The following GPATCH2 variants were observed in gnomAD, a reference collection of about 807,000 sequenced individuals.
GPATCH2 encodes the protein G-patch domain containing 2, also known as G patch domain-containing protein 2.
A neutral mutation model predicts 58.0 loss-of-function variants in GPATCH2; 51 were observed. That is an observed-to-expected ratio of 0.88 (90% CI 0.70 to 1.11). The LOEUF (loss-of-function observed/expected upper bound fraction) is 1.11. Among genes scored for constraint, GPATCH2 ranks in the 50% most tolerant of loss-of-function variants. GPATCH2 has a pLI of 0.00. For synonymous variants in GPATCH2, 222 were observed against 218.5 expected, an observed-to-expected ratio of 1.02 and a Z score of -0.14; for missense variants, 625 against 652.2, an observed-to-expected ratio of 0.96 and a Z score of 0.45.
chr1:217,469,214 T>C (rs1660611160), intron 8 of GPATCH2, among the ~76,000 whole-genome samples: 1 of 152,118 alleles, frequency 6.6e-6, no homozygotes, highest in Non-Finnish European at 1.5e-5. Context: ...TCTTTCTAAT[T>C]AGTAATTTAA....
intron 6 of GPATCH2, among the ~76,000 whole-genome samples, chr1:217,506,568 T>C (rs1361461974): frequency 2.0e-5 from 3 of 152,296 alleles, no homozygotes; most frequent in Admixed American, 6.5e-5. Context: ...CTCCTTATGA[T>C]TGTCAATGTA....
intron 5 of GPATCH2, among the ~76,000 whole-genome samples, chr1:217,607,127 T>G (rs1668396790): frequency 1.3e-5 from 2 of 152,174 alleles, no homozygotes; most frequent in South Asian, 2.1e-4. Context: ...CATTGTGGAT[T>G]CCATATTTTT....
chr1:217,617,246 T>G (rs1437657089), intron 2 of GPATCH2, among the ~76,000 whole-genome samples: 1 of 152,186 alleles, frequency 6.6e-6, no homozygotes, highest in Non-Finnish European at 1.5e-5. Context: ...CATTTCACAA[T>G]TCATGCCTTT....
intron 6 of GPATCH2, among the ~76,000 whole-genome samples, chr1:217,513,877 T>C (rs1440875983): frequency 1.3e-5 from 2 of 151,758 alleles, no homozygotes; most frequent in Non-Finnish European, 1.5e-5. Flanking sequence ...CAGGCTGGAA[T>C]GCAGTGGAGC....
At chr1:217,520,604 G>A (rs1259464598) in intron 5 of GPATCH2, among the ~76,000 whole-genome samples, 1 of 151,958 alleles carries the variant, frequency 6.6e-6, no homozygotes, top group African/African-American at 2.4e-5. Flanking sequence ...TAGTATAGTG[G>A]GTGAAACTGA....
At chr1:217,537,191 C>T (rs17046553) in intron 5 of GPATCH2, among the ~76,000 whole-genome samples, 3,974 of 150,330 alleles carry the variant, frequency 0.026, 78 homozygotes, top group East Asian at 0.081. Flanking sequence ...CGGTTTATTC[C>T]GTCTCTCTGA....
At position 217,616,699 on chromosome 1, in the gene GPATCH2, G is replaced by T. The variant is rs17723512; in HGVS notation, c.774-2497C>A. 9.9e-5 allele frequency among the ~76,000 whole-genome samples: 15 copies of T among 152,030 alleles called. No homozygotes were observed. In the South Asian group the frequency reaches 3.1e-3, roughly 32 times the overall value. ...ATTTTCAGCAGCTGACAGTCATTAC[G>T]GCTTATCTCCAAAGACACCCTTTCC... On this transcript the variant is annotated intron_variant, in intron 2 of 9. Transcript: ENST00000366935.
intron 8 of GPATCH2, among the ~76,000 whole-genome samples, chr1:217,467,295 ATAT>A (rs1257099197): frequency 2.0e-5 from 3 of 152,212 alleles, no homozygotes; most frequent in African/African-American, 7.2e-5. Context: ...GAGTATTTTT[ATAT>A]TATTATAAAA....
At chr1:217,474,778 T>C (rs1007931131) in intron 8 of GPATCH2, among the ~76,000 whole-genome samples, 2 of 152,204 alleles carry the variant, frequency 1.3e-5, no homozygotes, top group African/African-American at 4.8e-5. Flanking sequence ...CTACAATTTA[T>C]TGATTTAATG....
At chr1:217,506,831 C>T (rs1300497492) in intron 6 of GPATCH2, among the ~76,000 whole-genome samples, 5 of 152,200 alleles carry the variant, frequency 3.3e-5, no homozygotes, top group Non-Finnish European at 5.9e-5. Context: ...GTATTACTTT[C>T]TCTGCCTGAA....
At chr1:217,524,269 C>T (rs1459601163) in intron 5 of GPATCH2, among the ~76,000 whole-genome samples, 1 of 147,982 alleles carries the variant, frequency 6.8e-6, no homozygotes, top group Non-Finnish European at 1.5e-5. Flanking sequence ...ACGGGGCGGC[C>T]GGGCAGAGAC....
rs1290798664 is a variant in GPATCH2 at position 217,427,108 on chromosome 1, G to C, written c.*4037C>G. On this transcript the variant is annotated 3_prime_UTR_variant, in exon 10 of 10. Coordinates refer to ENST00000366935, the MANE Select transcript of GPATCH2 (RefSeq NM_018040.5). ...TTAAAATGTCCAAGCAGCTTTATGAGAGGCACAACTTTCCAAAAGGAAATG... is the reference window on the plus strand; with the variant it reads ...TTAAAATGTCCAAGCAGCTTTATGACAGGCACAACTTTCCAAAAGGAAATG... The C allele has an allele frequency of 6.6e-6, 1 of 152,124 alleles. No individual in the cohort carries two copies. Among genetic ancestry groups the C allele is most frequent in the African/African-American group, 2.4e-5 (1 of 41,432 alleles). The allele number at this position is 152,124 out of a possible 1,614,324, so 9.4% of individuals were successfully genotyped here.
Position 217,620,064 on chromosome 1 carries a change from T to G in GPATCH2, c.492A>C (p.Val164=). The G allele has an allele frequency of 1.2e-6, 2 of 1,614,078 alleles. No individual in the cohort carries two copies. The highest frequency in any genetic ancestry group is 1.7e-6 in the Non-Finnish European group (2 of 1,180,040). Residue 164 remains valine, a synonymous_variant, in exon 2 of 10, where the codon GTA becomes GTC. Coordinates refer to ENST00000366935, the MANE Select transcript of GPATCH2 (RefSeq NM_018040.5). ...GTGGGAGATCTACTGCCATGCGTTT[T>G]ACCTTTCTCCTCCTGCGCAGAGTTC... ...GNRTLRRRRK[V]KRMAVDLPQD...
chr1:217,478,545 A>G lies in GPATCH2; in HGVS notation c.1277+13135T>C, dbSNP rs553869379. On this transcript the variant is annotated intron_variant, in intron 8 of 9. Transcript: ENST00000366935. ...GCAGAATAGATCAAGCTGAAGAAAA[A>G]TTAGTGGGTTGAAGACAGGCTAAAA... Among the ~76,000 whole-genome samples the G allele has an allele frequency of 2.6e-5, 4 of 152,302 alleles. No individual in the cohort carries two copies. In the South Asian group the frequency reaches 8.3e-4, roughly 32 times the overall value.
chr1:217,609,503 T>C (rs1305794663), intron 5 of GPATCH2: 2 of 984,186 alleles, frequency 2.0e-6, no homozygotes, highest in Admixed American at 6.2e-5. Flanking sequence ...AGGATGATTT[T>C]TGCAGTACAA....
intron 6 of GPATCH2, among the ~76,000 whole-genome samples, chr1:217,502,977 C>A (rs1443305027): frequency 2.0e-5 from 3 of 152,074 alleles, no homozygotes; most frequent in Admixed American, 2.0e-4. Context: ...TGTTTAGGTA[C>A]AAATCTCCAA....
chr1:217,482,161 A>AGG, intron 8 of GPATCH2, among the ~76,000 whole-genome samples: 1 of 152,200 alleles, frequency 6.6e-6, no homozygotes, highest in Non-Finnish European at 1.5e-5. Flanking sequence ...GCACTTAATC[A>AGG]GTGTACTCTA....
chr1:217,498,826 C>T, intron 6 of GPATCH2: 1 of 240,026 alleles, frequency 4.2e-6, no homozygotes, highest in South Asian at 4.8e-5. Flanking sequence ...TAGCTATGCC[C>T]CCAGGAGCAA....
intron 8 of GPATCH2, among the ~76,000 whole-genome samples, chr1:217,481,197 T>C (rs1158562690): frequency 6.6e-6 from 1 of 152,202 alleles, no homozygotes; most frequent in Non-Finnish European, 1.5e-5. Flanking sequence ...GTTGAGGGGA[T>C]GGATACCCCA....
Sources: gnomAD v4.1 joint callset for allele counts (sites outside exome capture counted in the v4.1 genomes callset) on GRCh38, gnomAD v4.1.1 for gene constraint, MANE v1.5 for transcripts, NCBI Gene and HGNC (gene_info 2026-07-23, HGNC 2026-07-21) for gene names.